Variants in PARD3B observed in about 807,000 individuals in gnomAD.
The protein encoded by PARD3B is partitioning defective 3 homolog B.
Under a neutral mutation model 130.2 loss-of-function variants are expected in PARD3B, and 103 were observed. That is an observed-to-expected ratio of 0.79 (90% CI 0.67 to 0.93). PARD3B has a LOEUF of 0.93. Among genes scored for constraint, PARD3B ranks in the 40% least tolerant of loss-of-function variants. PARD3B has a pLI of 0.00. For missense variants in PARD3B, 1,609 were observed against 1,499.2 expected, an observed-to-expected ratio of 1.07 and a Z score of -1.21; for synonymous variants, 583 against 553.2, an observed-to-expected ratio of 1.05 and a Z score of -0.76.
chr2:205,574,509 A>G (rs530208345), intron 22 of PARD3B, among the ~76,000 whole-genome samples: 56 of 152,264 alleles, frequency 3.7e-4, no homozygotes, highest in African/African-American at 1.2e-3. Context: ...CATAGTGACA[A>G]TGGCTCCTCT....
At chr2:204,961,083 C>G (rs1195583732) in intron 2 of PARD3B, among the ~76,000 whole-genome samples, 1 of 152,086 alleles carries the variant, frequency 6.6e-6, no homozygotes, top group Non-Finnish European at 1.5e-5. Flanking sequence ...AACACGACGT[C>G]AGAAATGGAA....
chr2:205,165,180 A>C (rs2034735507), intron 11 of PARD3B, among the ~76,000 whole-genome samples: 1 of 152,170 alleles, frequency 6.6e-6, no homozygotes, highest in African/African-American at 2.4e-5. Flanking sequence ...GGCCAAAGTA[A>C]ATTAAGAGCA....
In PARD3B at chr2:205,405,639, C is replaced by T. The variant is rs924368470; in HGVS notation, c.2741+4516C>T. Among the ~76,000 whole-genome samples the T allele has an allele frequency of 6.6e-6, 1 of 152,106 alleles. No individual in the cohort carries two copies. The highest frequency in any genetic ancestry group is 2.4e-5 in the African/African-American group (1 of 41,418). On this transcript the variant is annotated intron_variant, in intron 19 of 22. Transcript: ENST00000406610. This position sits in a 1 kb window ranked among gnomAD's most constrained non-coding sequence, Gnocchi z 4.1. ...GTTAAAATTTATTTTTAACCTTGGC[C>T]TGCTGAGCATCGGCGTTAGTGATGG... is the stretch of plus-strand genomic sequence containing the variant.
chr2:205,557,170 G>C (rs953695478), intron 22 of PARD3B, among the ~76,000 whole-genome samples: 1 of 152,292 alleles, frequency 6.6e-6, no homozygotes, highest in African/African-American at 2.4e-5. Flanking sequence ...TCCTACATGC[G>C]TGGGCGGCAA....
At chr2:205,348,367 A>G (rs1480980880) in intron 18 of PARD3B, among the ~76,000 whole-genome samples, 1 of 152,198 alleles carries the variant, frequency 6.6e-6, no homozygotes, top group Admixed American at 6.5e-5. Flanking sequence ...AACATGTGCA[A>G]AATCCATTCT....
At chr2:205,103,080 ATATTTTTT>A (rs1166095474) in intron 4 of PARD3B, among the ~76,000 whole-genome samples, 11 of 126,474 alleles carry the variant, frequency 8.7e-5, no homozygotes, top group African/African-American at 1.8e-4. Flanking sequence ...ATAAAAATAT[ATATTTTTT>A]TATTTTTTTA....
At chr2:205,404,282 G>A (rs945832047) in intron 19 of PARD3B, among the ~76,000 whole-genome samples, 1 of 152,180 alleles carries the variant, frequency 6.6e-6, no homozygotes, top group African/African-American at 2.4e-5. Context: ...CTATGCAAAT[G>A]AAGTGATGTG....
At chr2:205,468,878 C>T (rs1173542494) in intron 20 of PARD3B, among the ~76,000 whole-genome samples, 3 of 152,234 alleles carry the variant, frequency 2.0e-5, no homozygotes, top group African/African-American at 4.8e-5. Flanking sequence ...AAAGCCCTTC[C>T]GTCCTCCCAA....
At chr2:204,558,409 A>G (rs543923326) in intron 1 of PARD3B, among the ~76,000 whole-genome samples, 52 of 152,260 alleles carry the variant, frequency 3.4e-4, no homozygotes, top group African/African-American at 1.2e-3. Context: ...ATAACAGACA[A>G]ACAGCCAAAT....
At chr2:204,760,545 A>G (rs1456556143) in intron 2 of PARD3B, among the ~76,000 whole-genome samples, 1 of 152,042 alleles carries the variant, frequency 6.6e-6, no homozygotes, top group Non-Finnish European at 1.5e-5. Flanking sequence ...CTTTTAATAT[A>G]TTGAAACTGT....
At chr2:205,586,710 C>A (rs2106586923) in intron 22 of PARD3B, among the ~76,000 whole-genome samples, 1 of 152,166 alleles carries the variant, frequency 6.6e-6, no homozygotes, top group East Asian at 1.9e-4. Flanking sequence ...CATTCTAAGT[C>A]ACAATTTTCC....
chr2:204,828,563 C>A (rs1222027836), intron 2 of PARD3B, among the ~76,000 whole-genome samples: 1 of 152,180 alleles, frequency 6.6e-6, no homozygotes, highest in African/African-American at 2.4e-5. Context: ...AGTGTCATAC[C>A]ACTATCTCCT....
intron 13 of PARD3B, among the ~76,000 whole-genome samples, chr2:205,184,956 A>G (rs2125785343): frequency 6.6e-6 from 1 of 152,212 alleles, no homozygotes; most frequent in Admixed American, 6.5e-5. Context: ...GCACTTTACC[A>G]CGATGTTATA....
At chr2:204,939,282 A>G (rs1311817160) in intron 2 of PARD3B, among the ~76,000 whole-genome samples, 2 of 152,348 alleles carry the variant, frequency 1.3e-5, no homozygotes, top group East Asian at 3.9e-4. Context: ...AATTTTTTAA[A>G]GACTGTTTTT....
chr2:205,302,642 C>G (rs1366104305), intron 18 of PARD3B, among the ~76,000 whole-genome samples: 1 of 152,148 alleles, frequency 6.6e-6, no homozygotes, highest in Non-Finnish European at 1.5e-5. Context: ...TCTTTTGAAG[C>G]AGGGGAGTCA....
At chr2:205,048,655 AGG>A (rs1434313613) in intron 4 of PARD3B, 2 of 152,216 alleles carry the variant, frequency 1.3e-5, no homozygotes, top group Non-Finnish European at 2.9e-5. Context: ...TGAGTTAAAC[AGG>A]TTTTTCTGAT....
At chr2:205,261,339 A>G (rs2040301761) in intron 16 of PARD3B, among the ~76,000 whole-genome samples, 1 of 152,012 alleles carries the variant, frequency 6.6e-6, no homozygotes, top group Non-Finnish European at 1.5e-5. Context: ...CCTACATTTC[A>G]CTTTGACTCC....
chr2:204,760,136 A>T (rs1430668289), intron 2 of PARD3B, among the ~76,000 whole-genome samples: 3 of 152,082 alleles, frequency 2.0e-5, no homozygotes, highest in African/African-American at 7.2e-5. Flanking sequence ...TTAAGTTTTT[A>T]TATTTTTGAG....
At chr2:204,875,234 C>G (rs1332025076) in intron 2 of PARD3B, among the ~76,000 whole-genome samples, 1 of 152,160 alleles carries the variant, frequency 6.6e-6, no homozygotes. Flanking sequence ...AAGCCTTTTA[C>G]TCATTGGCAG....
Sources: allele counts gnomAD v4.1 joint callset (sites outside exome capture counted in the v4.1 genomes callset), GRCh38; gene constraint gnomAD v4.1.1; non-coding constraint Gnocchi (gnomAD v3.1); transcripts MANE v1.5; gene names NCBI Gene and HGNC (gene_info 2026-07-23, HGNC 2026-07-21).